Variants in NECTIN3 observed in about 807,000 individuals in gnomAD.
The protein encoded by NECTIN3 is nectin cell adhesion molecule 3.
NECTIN3 carries 8 observed loss-of-function variants against 49.4 expected under a neutral mutation model. That is an observed-to-expected ratio of 0.16 (90% CI 0.10 to 0.29). The LOEUF (loss-of-function observed/expected upper bound fraction) is 0.29, where lower values mean the gene tolerates loss of function less well. Among genes scored for constraint, NECTIN3 ranks in the 10% least tolerant of loss-of-function variants. NECTIN3 has a pLI of 1.00. For missense variants in NECTIN3, 581 were observed against 654.6 expected, an observed-to-expected ratio of 0.89 and a Z score of 1.23; for synonymous variants, 277 against 241.1, an observed-to-expected ratio of 1.15 and a Z score of -1.38.
At position 111,133,675 on chromosome 3, in the gene NECTIN3, G is replaced by C; in HGVS notation, c.1110G>C (p.Trp370Cys). 2 of 1,613,660 alleles carry C rather than the reference G, an allele frequency of 1.2e-6. No individual in the cohort carries two copies. Among genetic ancestry groups the C allele is most frequent in the East Asian group, 2.2e-5 (1 of 44,864 alleles). Residue 370 changes from tryptophan to cysteine, a missense_variant, in exon 6 of 6, where the codon TGG (tryptophan) becomes TGC (cysteine). Coordinates refer to ENST00000485303, the MANE Select transcript of NECTIN3 (RefSeq NM_015480.3). ...TTTTLQPTIQ[W>C]HPSTADIEDL... ...CCACCCTTCAGCCTACAATTCAGTG[G>C]CATCCCTCAACTGCTGACATCGAGG...
intron 1 of NECTIN3, among the ~76,000 whole-genome samples, chr3:111,082,365 A>G (rs1023186612): frequency 6.6e-6 from 1 of 152,088 alleles, no homozygotes; most frequent in African/African-American, 2.4e-5. Context: ...TTCAGAGAGA[A>G]AAGGGAACAC....
In NECTIN3 at chr3:111,121,701, A is replaced by G. The variant is rs1325528101; in HGVS notation, c.800-420A>G. Among the ~76,000 whole-genome samples, 4 of 152,162 alleles carry G rather than the reference A, an allele frequency of 2.6e-5. No homozygotes were observed. In the East Asian group the frequency reaches 5.8e-4, roughly 22 times the overall value. ...TTCCTTTTAGATTAAATATCTCATT[A>G]AAGACTGTTTTATATGGTGACTTGG... On this transcript the variant is annotated intron_variant, in intron 3 of 5. Transcript: ENST00000485303.
downstream of NECTIN3, among the ~76,000 whole-genome samples, chr3:111,137,761 A>T (rs183187445): frequency 0.011 from 1,276 of 113,016 alleles, 34 homozygotes; most frequent in Admixed American, 0.063. Context: ...CCACTGTAAA[A>T]TTTTTTCCTT....
intron 7 of NECTIN3, among the ~76,000 whole-genome samples, chr3:111,164,405 A>G (rs2035277295): frequency 6.6e-6 from 1 of 152,196 alleles, no homozygotes; most frequent in Non-Finnish European, 1.5e-5. Flanking sequence ...TCAGCCTTCA[A>G]AGGGGGTTTC....
intron 1 of NECTIN3, among the ~76,000 whole-genome samples, chr3:111,106,320 A>G (rs1296455967): frequency 1.3e-5 from 2 of 152,178 alleles, no homozygotes; most frequent in Non-Finnish European, 2.9e-5. Flanking sequence ...TTTCTCAACC[A>G]GTTTTTGGCA....
intron 7 of NECTIN3, among the ~76,000 whole-genome samples, chr3:111,160,082 C>G (rs1255463023): frequency 1.3e-5 from 2 of 152,136 alleles, no homozygotes; most frequent in Admixed American, 6.5e-5. Context: ...TCATTGAACT[C>G]TAATATTCCT....
At position 111,122,197 on chromosome 3, in the gene NECTIN3, T is replaced by G; in HGVS notation, c.876T>G (p.Asn292Lys). ...VGRKGVNLKC[N>K]ADANPPPFKS... is the part of the protein sequence containing the mutation. Reference sequence around the variant, plus strand: ...GAAAAGGTGTTAATCTCAAATGTAATGCTGATGCAAATCCACCACCCTTCA... The same window carrying G: ...GAAAAGGTGTTAATCTCAAATGTAAGGCTGATGCAAATCCACCACCCTTCA... The change falls in exon 4 of 6, where the codon AAT becomes AAG. Residue 292 changes from asparagine (N) to lysine (K), a missense_variant. Asn to Lys is a moderately conservative substitution (Grantham distance 94). Coordinates refer to ENST00000485303, the MANE Select transcript of NECTIN3 (RefSeq NM_015480.3). 1.2e-6 allele frequency: 2 copies of G among 1,613,546 alleles called. No individual in the cohort carries two copies.
intron 1 of NECTIN3, among the ~76,000 whole-genome samples, chr3:111,096,567 C>G (rs994839076): frequency 1.3e-5 from 2 of 152,196 alleles, no homozygotes; most frequent in African/African-American, 4.8e-5. Context: ...TCCCTCCCAT[C>G]ACAGGCCTGG....
chr3:111,162,900 T>A (rs2035242658), intron 7 of NECTIN3, among the ~76,000 whole-genome samples: 1 of 152,248 alleles, frequency 6.6e-6, no homozygotes. Flanking sequence ...AACAGCACTC[T>A]ACTTCCAGGT....
intron 1 of NECTIN3, among the ~76,000 whole-genome samples, chr3:111,088,246 G>T (rs995881618): frequency 7.9e-5 from 12 of 152,104 alleles, no homozygotes; most frequent in African/African-American, 2.9e-4. Context: ...CTCCTCTCTA[G>T]CTTTGTTGCT....
chr3:111,155,907 C>T (rs2107516101), intron 7 of NECTIN3, among the ~76,000 whole-genome samples: 1 of 152,270 alleles, frequency 6.6e-6, no homozygotes, highest in Admixed American at 6.5e-5. Context: ...CTGTTACTAC[C>T]TATTTACATG....
chr3:111,074,692 A>G (rs113370354), intron 1 of NECTIN3, among the ~76,000 whole-genome samples: 2 of 152,032 alleles, frequency 1.3e-5, no homozygotes, highest in African/African-American at 4.8e-5. Context: ...CAGGTTGTCA[A>G]ATTGCCAGAT....
At position 111,136,083 on chromosome 3, in the gene NECTIN3, G is replaced by A. The variant is rs1424524606; in HGVS notation, c.*1868G>A. On this transcript the variant is annotated 3_prime_UTR_variant, in exon 6 of 6. Coordinates refer to ENST00000485303, the MANE Select transcript of NECTIN3 (RefSeq NM_015480.3). ...ACTTTATTTTTAATTTAAACGATGAGGTGGCCAGAAGAAAGATGGGTCTAA... is the reference window on the plus strand; with the variant it reads ...ACTTTATTTTTAATTTAAACGATGAAGTGGCCAGAAGAAAGATGGGTCTAA... 5 of 983,510 alleles carry A rather than the reference G, an allele frequency of 5.1e-6. No individual in the cohort carries two copies. Among genetic ancestry groups the A allele is most frequent in the African/African-American group, 1.8e-5 (1 of 57,070 alleles). The allele number at this position is 983,510 out of a possible 1,614,324, so 60.9% of individuals were successfully genotyped here.
At chr3:111,143,755 C>T (rs972267819) in intron 5 of NECTIN3, among the ~76,000 whole-genome samples, 5 of 151,946 alleles carry the variant, frequency 3.3e-5, no homozygotes, top group African/African-American at 7.2e-5. Flanking sequence ...ACATTCTTCT[C>T]TTCCAACAAG....
chr3:111,113,030 C>T (rs2033539158), intron 2 of NECTIN3, among the ~76,000 whole-genome samples: 1 of 152,162 alleles, frequency 6.6e-6, no homozygotes, highest in Admixed American at 6.6e-5. Flanking sequence ...GGTGGCTGCT[C>T]ACATGAAGAT....
chr3:111,160,814 T>C (rs886952525), intron 7 of NECTIN3, among the ~76,000 whole-genome samples: 1 of 152,178 alleles, frequency 6.6e-6, no homozygotes. Flanking sequence ...GAGACCATCG[T>C]GGCTAACACG....
In NECTIN3 at chr3:111,077,842, C is replaced by T. The variant is rs370058359; in HGVS notation, c.160+5665C>T. ...CATATTTATTTCAAGAGTTTGATGG[C>T]GAAATCAAGGTTAGTCCAAACCAGC... On this transcript the variant is annotated intron_variant, in intron 1 of 5. Coordinates refer to ENST00000485303, the MANE Select transcript of NECTIN3 (RefSeq NM_015480.3). 5.9e-5 allele frequency among the ~76,000 whole-genome samples: 9 copies of T among 152,040 alleles called. No homozygotes were observed. In the East Asian group the frequency reaches 9.7e-4, roughly 16 times the overall value.
At chr3:111,073,315 A>G (rs1199927207) in intron 1 of NECTIN3, 1 of 152,200 alleles carries the variant, frequency 6.6e-6, no homozygotes, top group Non-Finnish European at 1.5e-5. Context: ...GAATAGTGTG[A>G]TTTAGAAGGA....
At chr3:111,074,080 A>G (rs2031000054) in intron 1 of NECTIN3, 1 of 369,292 alleles carries the variant, frequency 2.7e-6, no homozygotes, top group African/African-American at 2.1e-5. Context: ...CCTGTGTGCT[A>G]CTCATTTAAA....
Sources: gnomAD v4.1 joint callset for allele counts (sites outside exome capture counted in the v4.1 genomes callset) on GRCh38, gnomAD v4.1.1 for gene constraint, MANE v1.5 for transcripts, NCBI Gene and HGNC (gene_info 2026-07-23, HGNC 2026-07-21) for gene names.